SCP2: variants seen among roughly 807,000 people sequenced by gnomAD.
SCP2 encodes the protein sterol carrier protein 2.
Under a neutral mutation model 71.4 loss-of-function variants are expected in SCP2, and 48 were observed. That is an observed-to-expected ratio of 0.67 (90% CI 0.53 to 0.86). The LOEUF is 0.86. Ranked by LOEUF, SCP2 falls within the 40% of genes least tolerant of loss-of-function variation. The pLI is 0.00. For missense variants in SCP2, 560 were observed against 655.6 expected, an observed-to-expected ratio of 0.85 and a Z score of 1.59; for synonymous variants, 220 against 218.1, an observed-to-expected ratio of 1.01 and a Z score of -0.08.
chr1:52,997,831 T>C (rs950986576), intron 11 of SCP2, among the ~76,000 whole-genome samples: 6 of 152,162 alleles, frequency 3.9e-5, no homozygotes, highest in Non-Finnish European at 8.8e-5. Context: ...ATCAAAAACA[T>C]TTTCATTACC....
chr1:52,993,431 T>C lies in SCP2; in HGVS notation c.1081+5295T>C, dbSNP rs1383764690. 17 of 1,614,204 alleles carry C rather than the reference T, an allele frequency of 1.1e-5. 1 individual carries two copies. In the East Asian group the frequency reaches 2.2e-4, roughly 21 times the overall value. ...TCTTTGATGATCCAGATCTGCTTTATTACCAATTAAAATCATTGGGAACTC... is the reference window on the plus strand; with the variant it reads ...TCTTTGATGATCCAGATCTGCTTTACTACCAATTAAAATCATTGGGAACTC... On this transcript the variant is annotated intron_variant, in intron 11 of 15. Coordinates refer to ENST00000371514, the MANE Select transcript of SCP2 (RefSeq NM_002979.5).
intron 10 of SCP2, among the ~76,000 whole-genome samples, chr1:52,985,856 C>T (rs548379308): frequency 3.9e-5 from 6 of 152,264 alleles, no homozygotes; most frequent in Admixed American, 3.3e-4. Context: ...AAGCCTTCTC[C>T]GATCACTTTG....
At chr1:52,962,058 T>A (rs1001119052) in intron 6 of SCP2, among the ~76,000 whole-genome samples, 3 of 152,212 alleles carry the variant, frequency 2.0e-5, no homozygotes, top group African/African-American at 7.2e-5. Flanking sequence ...TGCACCACCA[T>A]GTTCGGCTAA....
At chr1:52,954,693 G>T in intron 4 of SCP2, 47 bp from the exon 5 acceptor site, 1 of 1,428,802 alleles carries the variant, frequency 7.0e-7, no homozygotes, top group Admixed American at 1.7e-5. Flanking sequence ...GTATTTTGTT[G>T]GTGTTTGGAA....
intron 1 of SCP2, 48 bp downstream of exon 1, chr1:52,927,513 C>G (rs763818441): frequency 2.1e-6 from 3 of 1,434,066 alleles, no homozygotes; most frequent in Non-Finnish European, 2.9e-6. Flanking sequence ...CGGGGGCGGT[C>G]GGTGCCTGGG....
chr1:53,011,246 G>T (rs1460626691), intron 11 of SCP2, among the ~76,000 whole-genome samples: 5 of 152,070 alleles, frequency 3.3e-5, no homozygotes, highest in Non-Finnish European at 7.4e-5. Context: ...TGACTTTATT[G>T]TACTTGGCTG....
chr1:53,045,132 A>G (rs1227944025), intron 14 of SCP2, among the ~76,000 whole-genome samples: 2 of 152,184 alleles, frequency 1.3e-5, no homozygotes, highest in Non-Finnish European at 2.9e-5. Context: ...GTACCACGTG[A>G]TGAATGTTTA....
chr1:52,991,339 C>A lies in SCP2; in HGVS notation c.1081+3203C>A, dbSNP rs192844624. Among the ~76,000 whole-genome samples the A allele has an allele frequency of 4.5e-4, 69 of 152,258 alleles. No individual in the cohort carries two copies. The East Asian group carries it at 0.012, about 26-fold the overall frequency. Reference sequence around the variant, plus strand: ...ACTACAAAAGGGAGCCATGATGGATCTGCTTAACTGGTTCTTGTTTGTTTG... The same window carrying A: ...ACTACAAAAGGGAGCCATGATGGATATGCTTAACTGGTTCTTGTTTGTTTG... On this transcript the variant is annotated intron_variant, in intron 11 of 15. Coordinates refer to ENST00000371514, the MANE Select transcript of SCP2 (RefSeq NM_002979.5).
intron 9 of SCP2, among the ~76,000 whole-genome samples, chr1:52,979,894 C>T (rs1280946741): frequency 7.0e-6 from 1 of 142,194 alleles, no homozygotes; most frequent in East Asian, 2.4e-4. Context: ...CTCCTTCCCT[C>T]CCTCCCTCCC....
At chr1:52,948,857 G>A (rs1289360595) in intron 3 of SCP2, among the ~76,000 whole-genome samples, 1 of 151,874 alleles carries the variant, frequency 6.6e-6, no homozygotes, top group Non-Finnish European at 1.5e-5. Flanking sequence ...CACCCATGCT[G>A]TACGTTAGAT....
At position 53,043,396 on chromosome 1, in the gene SCP2, A is replaced by G. The variant is rs1335276621; in HGVS notation, c.1468+4350A>G. On this transcript the variant is annotated intron_variant, in intron 14 of 15. Transcript: ENST00000371514. The stretch of plus-strand genomic sequence containing the variant: ...TCTCAGCCCCTCAAAAGGGCTTTGA[A>G]AACTTGGAAACCATCTGGGATTCAT... Among the ~76,000 whole-genome samples, 3 of 152,358 alleles carry G rather than the reference A, an allele frequency of 2.0e-5. No individual in the cohort carries two copies. The East Asian group carries it at 5.8e-4, about 29-fold the overall frequency.
At chr1:53,015,463 C>T (rs1050402569) in intron 12 of SCP2, among the ~76,000 whole-genome samples, 4 of 152,150 alleles carry the variant, frequency 2.6e-5, no homozygotes, top group African/African-American at 9.7e-5. Context: ...TTCTTTTTGT[C>T]TCTTGCTGAC....
At chr1:53,028,127 A>G in intron 13 of SCP2, 56 bp downstream of exon 13, 2 of 997,968 alleles carry the variant, frequency 2.0e-6, no homozygotes, top group Admixed American at 3.6e-5. Flanking sequence ...GGAAGCAGAC[A>G]CAGGTTTCAG....
rs13375022 is a variant in SCP2 at position 53,025,776 on chromosome 1, G to A, written c.1236-2193G>A. ...CACTCCTCTTGCTCCTCTCTCCATC[G>A]TCATTCGTTCAGCACACTGTTGTAA... On this transcript the variant is annotated intron_variant, in intron 12 of 15. Coordinates refer to ENST00000371514, the MANE Select transcript of SCP2 (RefSeq NM_002979.5). 6.3e-3 allele frequency among the ~76,000 whole-genome samples: 960 copies of A among 152,168 alleles called. 14 individuals are homozygous for A. Among genetic ancestry groups the A allele is most frequent in the African/African-American group, 0.022 (922 of 41,502 alleles).
chr1:52,989,054 G>A (rs897999240), intron 11 of SCP2, among the ~76,000 whole-genome samples: 5 of 147,618 alleles, frequency 3.4e-5, no homozygotes, highest in Middle Eastern at 3.4e-3. Flanking sequence ...TGTATATAAC[G>A]TAAGATTTTT....
At chr1:52,977,910 G>A (rs1197093970) in intron 8 of SCP2, among the ~76,000 whole-genome samples, 2 of 150,974 alleles carry the variant, frequency 1.3e-5, no homozygotes, top group Non-Finnish European at 2.9e-5. Context: ...CAGTTGCAAT[G>A]AGCCAAGATA....
At chr1:52,966,605 G>C (rs989144585) in intron 6 of SCP2, among the ~76,000 whole-genome samples, 3 of 152,000 alleles carry the variant, frequency 2.0e-5, no homozygotes, top group Non-Finnish European at 4.4e-5. Context: ...AGAAATAGGG[G>C]CCAGTTGTGG....
intron 6 of SCP2, among the ~76,000 whole-genome samples, chr1:52,962,836 C>T (rs191569472): frequency 1.3e-5 from 2 of 152,024 alleles, no homozygotes; most frequent in Admixed American, 1.3e-4. Context: ...TTTTATATGG[C>T]ACCTATAATA....
intron 6 of SCP2, among the ~76,000 whole-genome samples, chr1:52,967,313 T>A (rs1657057805): frequency 6.6e-6 from 1 of 152,168 alleles, no homozygotes; most frequent in African/African-American, 2.4e-5. Flanking sequence ...TCTTTCTTTT[T>A]GGCTTGGTAA....
Sources: allele counts gnomAD v4.1 joint callset (sites outside exome capture counted in the v4.1 genomes callset), GRCh38; gene constraint gnomAD v4.1.1; transcripts MANE v1.5; gene names NCBI Gene and HGNC (gene_info 2026-07-23, HGNC 2026-07-21).